ULK4: variants seen among roughly 807,000 people sequenced by gnomAD.
ULK4 encodes the protein unc-51 like kinase 4.
ULK4 carries 133 observed loss-of-function variants against 160.6 expected under a neutral mutation model. That is an observed-to-expected ratio of 0.83 (90% CI 0.72 to 0.96). ULK4 has a LOEUF of 0.96. Ranked by LOEUF, ULK4 falls within the 40% of genes least tolerant of loss-of-function variation. The pLI is 0.00. For missense variants in ULK4, 1,580 were observed against 1,499.5 expected (o/e 1.05, Z -0.89); for synonymous variants, 534 against 539.8 (o/e 0.99, Z 0.15).
chr3:41,421,175 C>A (rs1353225001), intron 34 of ULK4, among the ~76,000 whole-genome samples: 2 of 151,848 alleles, frequency 1.3e-5, no homozygotes, highest in Admixed American at 6.6e-5. Context: ...TTATATAATA[C>A]CTGCCTACTA....
chr3:41,440,814 A>G (rs1016906803), intron 34 of ULK4, among the ~76,000 whole-genome samples: 12 of 152,084 alleles, frequency 7.9e-5, no homozygotes, highest in Non-Finnish European at 1.5e-4. Context: ...TAAAAATTCT[A>G]TTTTTTAATA....
At chr3:41,617,012 T>G (rs1479236449) in intron 30 of ULK4, among the ~76,000 whole-genome samples, 2 of 152,122 alleles carry the variant, frequency 1.3e-5, no homozygotes, top group Non-Finnish European at 2.9e-5. Context: ...CTAAGAAGCC[T>G]GGGCAGGGCA....
At chr3:41,941,518 C>T (rs1284733579) in intron 2 of ULK4, among the ~76,000 whole-genome samples, 2 of 151,058 alleles carry the variant, frequency 1.3e-5, no homozygotes, top group African/African-American at 2.4e-5. Context: ...ATAACTTAGA[C>T]GACAGAGGAG....
At chr3:41,776,399 A>G (rs1375655280) in intron 21 of ULK4, among the ~76,000 whole-genome samples, 1 of 150,844 alleles carries the variant, frequency 6.6e-6, no homozygotes, top group South Asian at 2.1e-4. Flanking sequence ...GTTTTTTTCA[A>G]GTTTTCCTTT....
chr3:41,574,167 G>A lies in ULK4; in HGVS notation c.3121-8037C>T, dbSNP rs957042974. 2.6e-5 allele frequency among the ~76,000 whole-genome samples: 4 copies of A among 152,066 alleles called. 1 individual carries two copies. The highest frequency in any genetic ancestry group is 3.9e-4 in the East Asian group (2 of 5,192). On this transcript the variant is annotated intron_variant, in intron 31 of 36. Coordinates refer to ENST00000301831, the MANE Select transcript of ULK4 (RefSeq NM_017886.4). ...GCACTGCAGCCTGGGCAACAAGAGCGAAACTCCGTCTCAAAAAAACAAACA... is the reference window on the plus strand; with the variant it reads ...GCACTGCAGCCTGGGCAACAAGAGCAAAACTCCGTCTCAAAAAAACAAACA...
rs375051870 is a variant in ULK4, at chr3:41,261,657, C to G, written c.3679-12083G>C. ...AATTGCATAGCGCCCTTTGCTCCCC[C>G]AGTCATTGTTGCTCATCCTCATCAT... is the stretch of plus-strand genomic sequence containing the variant. On this transcript the variant is annotated intron_variant, in intron 35 of 36. Coordinates refer to ENST00000301831, the MANE Select transcript of ULK4 (RefSeq NM_017886.4). Among the ~76,000 whole-genome samples the G allele has an allele frequency of 3.3e-5, 5 of 152,318 alleles. No individual in the cohort carries two copies. The East Asian group carries it at 5.8e-4, about 18-fold the overall frequency.
At chr3:41,272,724 C>G (rs2079159502) in intron 35 of ULK4, among the ~76,000 whole-genome samples, 1 of 152,112 alleles carries the variant, frequency 6.6e-6, no homozygotes, top group Non-Finnish European at 1.5e-5. Flanking sequence ...CTCCCTCTTT[C>G]ATTAGCTCCA....
chr3:41,904,892 A>G (rs1409268051), intron 12 of ULK4, among the ~76,000 whole-genome samples: 1 of 152,266 alleles, frequency 6.6e-6, no homozygotes. Context: ...GTGGAGGAAC[A>G]CTTAACATTG....
At chr3:41,742,365 G>T (rs1239273995) in intron 22 of ULK4, among the ~76,000 whole-genome samples, 1 of 151,954 alleles carries the variant, frequency 6.6e-6, no homozygotes, top group Non-Finnish European at 1.5e-5. Flanking sequence ...TAATTTCCCT[G>T]CTGTGACAGT....
chr3:41,345,730 C>T lies in ULK4; in HGVS notation c.3678+52349G>A, dbSNP rs560379050. Among the ~76,000 whole-genome samples the T allele has an allele frequency of 3.9e-5, 6 of 152,188 alleles. No homozygotes were observed. The East Asian group carries it at 7.7e-4, about 20-fold the overall frequency. On this transcript the variant is annotated intron_variant, in intron 35 of 36. Transcript: ENST00000301831. ...CTATGCAGCAAACCACTATGGCACA[C>T]ATTTACCTATGTAAAAAACCTGCAC...
At chr3:41,745,559 C>T (rs545258596) in intron 22 of ULK4, among the ~76,000 whole-genome samples, 4 of 151,550 alleles carry the variant, frequency 2.6e-5, no homozygotes, top group Admixed American at 2.0e-4. Context: ...CTAGAGAATT[C>T]TACAAAAATT....
intron 34 of ULK4, among the ~76,000 whole-genome samples, chr3:41,408,602 G>GT (rs2082346169): frequency 6.6e-6 from 1 of 152,042 alleles, no homozygotes; most frequent in Non-Finnish European, 1.5e-5. Flanking sequence ...GCAGAAATTG[G>GT]TAAGTTGATC....
intron 35 of ULK4, among the ~76,000 whole-genome samples, chr3:41,359,400 A>C (rs2081095246): frequency 2.6e-5 from 4 of 152,242 alleles, no homozygotes; most frequent in Admixed American, 1.3e-4. Flanking sequence ...CTTAGGACCC[A>C]ATCTTCAGGC....
chr3:41,332,144 C>A (rs2080455311), intron 35 of ULK4, among the ~76,000 whole-genome samples: 1 of 151,830 alleles, frequency 6.6e-6, no homozygotes, highest in South Asian at 2.1e-4. Context: ...CTGAGTGTGG[C>A]CACTGTGTAG....
In ULK4 at chr3:41,571,053, C is replaced by T. The variant is rs141781097; in HGVS notation, c.3121-4923G>A. 1.5e-3 allele frequency among the ~76,000 whole-genome samples: 228 copies of T among 152,270 alleles called. 1 individual carries two copies. The highest frequency in any genetic ancestry group is 4.5e-3 in the African/African-American group (185 of 41,564). ...GAAACTGTTCCACTTCTATTCTAGACGTTATTAAAAACACTGTTTTCTTTA... is the reference window on the plus strand; with the variant it reads ...GAAACTGTTCCACTTCTATTCTAGATGTTATTAAAAACACTGTTTTCTTTA... On this transcript the variant is annotated intron_variant, in intron 31 of 36. Coordinates refer to ENST00000301831, the MANE Select transcript of ULK4 (RefSeq NM_017886.4).
chr3:41,401,470 A>G (rs2082177326), intron 34 of ULK4, among the ~76,000 whole-genome samples: 1 of 152,164 alleles, frequency 6.6e-6, no homozygotes, highest in Non-Finnish European at 1.5e-5. Flanking sequence ...TCTTGTAAGA[A>G]TTAGAACCAA....
At chr3:41,809,192 A>C (rs2125617634) in intron 19 of ULK4, among the ~76,000 whole-genome samples, 1 of 151,800 alleles carries the variant, frequency 6.6e-6, no homozygotes, top group African/African-American at 2.4e-5. Flanking sequence ...AAAAAACAAA[A>C]AAAAACAAAA....
chr3:41,507,295 G>C (rs2085428048), intron 32 of ULK4, among the ~76,000 whole-genome samples: 2 of 151,186 alleles, frequency 1.3e-5, no homozygotes. Context: ...TAAAAATAGT[G>C]AAATTGTGAA....
chr3:41,775,962 A>G (rs1374217563), intron 21 of ULK4, among the ~76,000 whole-genome samples: 1 of 150,956 alleles, frequency 6.6e-6, no homozygotes, highest in Non-Finnish European at 1.5e-5. Context: ...ATGTTACTGC[A>G]AACACTACTG....
Sources: gnomAD v4.1 joint callset for allele counts (sites outside exome capture counted in the v4.1 genomes callset) on GRCh38, gnomAD v4.1.1 for gene constraint, MANE v1.5 for transcripts, NCBI Gene and HGNC (gene_info 2026-07-23, HGNC 2026-07-21) for gene names.